The following TMEM204 variants were observed in gnomAD, a reference collection of about 807,000 sequenced individuals.
The protein encoded by TMEM204 is claudin-like protein 24.
TMEM204 carries 15 observed loss-of-function variants against 19.4 expected under a neutral mutation model. The observed-to-expected ratio is 0.77, with a 90% CI of 0.52 to 1.19. TMEM204 has a LOEUF of 1.19. Among genes scored for constraint, TMEM204 ranks in the 50% most tolerant of loss-of-function variants. The pLI is 0.00. For missense variants in TMEM204, 287 were observed against 321.2 expected, an observed-to-expected ratio of 0.89 and a Z score of 0.81; for synonymous variants, 161 against 146.0, an observed-to-expected ratio of 1.10 and a Z score of -0.74.
In TMEM204 at chr16:1,553,738, G is replaced by A; in HGVS notation, c.437-1044G>A. On this transcript the variant is annotated intron_variant, in intron 2 of 2. Coordinates refer to ENST00000566264, the MANE Select transcript of TMEM204 (RefSeq NM_024600.6). This position sits in a 1 kb window ranked among gnomAD's most constrained non-coding sequence, Gnocchi z 4.4. ...GACAATCTGTGGCCACATCCCCATG[G>A]CTGTAGGGGATGAGGAGGGGCAGGG... 1 of 1,150,218 alleles carries A rather than the reference G, an allele frequency of 8.7e-7. No individual in the cohort carries two copies. Among genetic ancestry groups the A allele is most frequent in the Non-Finnish European group, 1.1e-6 (1 of 920,366 alleles). The allele number at this position is 1,150,218 out of a possible 1,614,324, so 71.3% of individuals were successfully genotyped here. A position where few individuals can be genotyped will look rare whatever the true frequency, so the allele number is the denominator to read the frequency against.
At chr16:1,547,093 C>CT (rs1199940459) in intron 2 of TMEM204, among the ~76,000 whole-genome samples, 5 of 152,226 alleles carry the variant, frequency 3.3e-5, no homozygotes, top group Admixed American at 3.3e-4. Context: ...ATGCCGAAGG[C>CT]TTCTCGCCTG....
At chr16:1,552,057 G>A (rs1486261739) in intron 2 of TMEM204, among the ~76,000 whole-genome samples, 5 of 152,200 alleles carry the variant, frequency 3.3e-5, no homozygotes, top group Non-Finnish European at 1.5e-5. Context: ...GACCCTGGAA[G>A]CCATGGGGGG....
At position 1,534,375 on chromosome 16, in the gene TMEM204, A is replaced by G; in HGVS notation, c.100A>G (p.Thr34Ala). Residue 34 changes from threonine (T) to alanine (A), a missense_variant, in exon 1 of 3, where the codon ACG (threonine) becomes GCG (alanine). By Grantham distance (58) the Thr-to-Ala change is moderately conservative. Coordinates refer to ENST00000566264, the MANE Select transcript of TMEM204 (RefSeq NM_024600.6). ...AAFTSNWVCQ[T>A]LEDGRRRSVG... ...CTTCACCTCCAACTGGGTGTGCCAG[A>G]CGCTGGAGGATGGGCGCAGGCGCAG... The G allele has an allele frequency of 1.2e-6, 2 of 1,612,862 alleles. No individual in the cohort carries two copies. Among genetic ancestry groups the G allele is most frequent in the Non-Finnish European group, 1.7e-6 (2 of 1,179,886 alleles).
Position 1,534,297 on chromosome 16 carries a change from G to A in TMEM204, c.22G>A (p.Ala8Thr). 6.2e-7 allele frequency: 1 copy of A among 1,612,404 alleles called. No individual in the cohort carries two copies. Residue 8 changes from alanine to threonine, a missense_variant, in exon 1 of 3, where the codon GCC (alanine) becomes ACC (threonine). By Grantham distance (58) the Ala-to-Thr change is moderately conservative. Coordinates refer to ENST00000566264, the MANE Select transcript of TMEM204 (RefSeq NM_024600.6). Reference sequence around the variant, plus strand: ...AGCGATGACCGTGCAGAGACTCGTGGCCGCGGCCGTGCTGGTGGCCCTGGT... The same window carrying A: ...AGCGATGACCGTGCAGAGACTCGTGACCGCGGCCGTGCTGGTGGCCCTGGT... MTVQRLVAAAVLVALVSL... is the reference protein window; with the variant it reads MTVQRLVTAAVLVALVSL...
At chr16:1,542,188 T>G (rs2031717993) in intron 2 of TMEM204, 112 bp downstream of exon 2, 2 of 1,215,164 alleles carry the variant, frequency 1.6e-6, no homozygotes, top group East Asian at 2.8e-5. Flanking sequence ...AGGCCATACC[T>G]CTCAACATGG....
chr16:1,549,356 G>A (rs545507798), intron 2 of TMEM204, among the ~76,000 whole-genome samples: 7 of 152,378 alleles, frequency 4.6e-5, no homozygotes, highest in African/African-American at 1.7e-4. Flanking sequence ...CTCCAGCCTT[G>A]GAGCTGTACC....
At chr16:1,544,151 G>A (rs1264967663) in intron 2 of TMEM204, among the ~76,000 whole-genome samples, 1 of 150,256 alleles carries the variant, frequency 6.7e-6, no homozygotes, top group Non-Finnish European at 1.5e-5. Flanking sequence ...CCGTGTAGGT[G>A]GGATTGCAGG....
chr16:1,542,066 C>A lies in TMEM204; in HGVS notation c.426C>A (p.Phe142Leu). 1 of 1,606,796 alleles carries A rather than the reference C, an allele frequency of 6.2e-7. No homozygotes were observed. Among genetic ancestry groups the A allele is most frequent in the Non-Finnish European group, 8.5e-7 (1 of 1,177,526 alleles). Reference sequence around the variant, plus strand: ...GGGAGGAGGCCATGGCCGCTGCATTCCAACTGGCGAGTAAGTACCTGGGCG... The same window carrying A: ...GGGAGGAGGCCATGGCCGCTGCATTACAACTGGCGAGTAAGTACCTGGGCG... ...PCWEEAMAAA[F>L]QLASFVLVIG... Residue 142 changes from phenylalanine to leucine, a missense_variant, in exon 2 of 3, where the codon TTC becomes TTA. Transcript: ENST00000566264.
Position 1,553,583 on chromosome 16 carries a change from C to T in TMEM204, c.437-1199C>T. ...GTTTAATCTGGACCAGTGTAAGTTA[C>T]AGAGAGTCTCTGGCACTTTGGGTAC... On this transcript the variant is annotated intron_variant, in intron 2 of 2. Coordinates refer to ENST00000566264, the MANE Select transcript of TMEM204 (RefSeq NM_024600.6). This position sits in a 1 kb window ranked among gnomAD's most constrained non-coding sequence, Gnocchi z 4.4. 9.8e-7 allele frequency: 1 copy of T among 1,023,516 alleles called. No homozygotes were observed. 63.4% of individuals were successfully genotyped at this position (1,023,516 alleles called of 1,614,324 possible).
In TMEM204 at chr16:1,555,391, C is replaced by T; in HGVS notation, c.*365C>T. The T allele has an allele frequency of 4.6e-6, 1 of 215,350 alleles. No homozygotes were observed. The highest frequency in any genetic ancestry group is 9.3e-6 in the Non-Finnish European group (1 of 107,876). 13.3% of individuals were successfully genotyped at this position (215,350 alleles called of 1,614,324 possible). ...TTCTGCATCTGCTGAGAGGGGCACC[C>T]CAGCCATATCTTACACTTTGGTAAA... On this transcript the variant is annotated 3_prime_UTR_variant, in exon 3 of 3. Transcript: ENST00000566264.
chr16:1,535,781 C>A (rs990829323), intron 1 of TMEM204, among the ~76,000 whole-genome samples: 3 of 152,250 alleles, frequency 2.0e-5, no homozygotes, highest in Admixed American at 6.5e-5. Context: ...GCCTGGACTG[C>A]GCACTTCCTC....
chr16:1,532,754 C>G (rs1011583582), upstream of TMEM204: 1 of 152,224 alleles, frequency 6.6e-6, no homozygotes, highest in Non-Finnish European at 1.5e-5. Flanking sequence ...GGAGATGGGA[C>G]AGAGTAGGAG....
At chr16:1,552,527 G>C (rs1413039055) in intron 2 of TMEM204, among the ~76,000 whole-genome samples, 2 of 152,028 alleles carry the variant, frequency 1.3e-5, no homozygotes, top group Non-Finnish European at 2.9e-5. Flanking sequence ...CACAACACAG[G>C]CTCATTCCTT....
At chr16:1,534,770 T>A (rs760189231) in intron 1 of TMEM204, among the ~76,000 whole-genome samples, 1 of 152,316 alleles carries the variant, frequency 6.6e-6, no homozygotes, top group Non-Finnish European at 1.5e-5. Flanking sequence ...CACACACTCC[T>A]CCTGCTCAGC....
At chr16:1,549,719 AC>A (rs925494171) in intron 2 of TMEM204, among the ~76,000 whole-genome samples, 50 of 152,180 alleles carry the variant, frequency 3.3e-4, no homozygotes, top group African/African-American at 1.2e-3. Context: ...GGCATGAGCC[AC>A]CACGCCTGGC....
rs1046008791 is a variant in TMEM204, at chr16:1,551,662, C to G, written c.437-3120C>G. The stretch of plus-strand genomic sequence containing the variant: ...GCACATTCCTCACTGTCGAACCCAA[C>G]TTCAGGACATGCTTGTTCACGGAAG... On this transcript the variant is annotated intron_variant, in intron 2 of 2. Coordinates refer to ENST00000566264, the MANE Select transcript of TMEM204 (RefSeq NM_024600.6). This position sits in a 1 kb window ranked among gnomAD's most constrained non-coding sequence, Gnocchi z 4.0. 2.0e-5 allele frequency among the ~76,000 whole-genome samples: 3 copies of G among 152,218 alleles called. No homozygotes were observed. Among genetic ancestry groups the G allele is most frequent in the Middle Eastern group, 6.3e-3 (2 of 316 alleles).
rs1192730385 is a variant in TMEM204, at chr16:1,553,784, C to T, written c.437-998C>T. The stretch of plus-strand genomic sequence containing the variant: ...CAGGGCCATGTGGACAGCCTCTCCT[C>T]CATCCTAGAGCCTATGTTTCCAGCT... On this transcript the variant is annotated intron_variant, in intron 2 of 2. Transcript: ENST00000566264. This position sits in a 1 kb window ranked among gnomAD's most constrained non-coding sequence, Gnocchi z 4.4. 1 of 1,184,496 alleles carries T rather than the reference C, an allele frequency of 8.4e-7. No individual in the cohort carries two copies. The highest frequency in any genetic ancestry group is 1.6e-5 in the African/African-American group (1 of 62,474). The allele number at this position is 1,184,496 out of a possible 1,614,324, so 73.4% of individuals were successfully genotyped here.
chr16:1,548,969 C>T (rs1596344569), intron 2 of TMEM204, among the ~76,000 whole-genome samples: 1 of 152,248 alleles, frequency 6.6e-6, no homozygotes, highest in South Asian at 2.1e-4. Context: ...AACCTTTCTT[C>T]GTCAGGGTAG....
intron 2 of TMEM204, among the ~76,000 whole-genome samples, chr16:1,547,834 C>A (rs534108230): frequency 6.6e-5 from 10 of 152,198 alleles, no homozygotes; most frequent in African/African-American, 2.4e-4. Context: ...CTGTGCCTGG[C>A]AAATCATCTA....
Sources: gnomAD v4.1 joint callset for allele counts (sites outside exome capture counted in the v4.1 genomes callset) on GRCh38, gnomAD v4.1.1 for gene constraint, Gnocchi (gnomAD v3.1) non-coding constraint, MANE v1.5 for transcripts, NCBI Gene and HGNC (gene_info 2026-07-23, HGNC 2026-07-21) for gene names.